KCND3: variants seen among roughly 807,000 people sequenced by gnomAD.
The protein encoded by KCND3 is A-type voltage-gated potassium channel KCND3.
KCND3 carries 9 observed loss-of-function variants against 51.1 expected under a neutral mutation model. The observed-to-expected ratio is 0.18, with a 90% confidence interval of 0.11 to 0.31. The LOEUF (loss-of-function observed/expected upper bound fraction) is 0.31. Ranked by LOEUF, KCND3 falls within the 10% of genes least tolerant of loss-of-function variation. The probability of loss-of-function intolerance (pLI) is 1.00; values close to 1 mark genes in which losing one functional copy is unlikely to be tolerated. For synonymous variants in KCND3, 349 were observed against 368.0 expected, an observed-to-expected ratio of 0.95 and a Z score of 0.59; for missense variants, 526 against 903.8, an observed-to-expected ratio of 0.58 and a Z score of 5.36.
intron 2 of KCND3, among the ~76,000 whole-genome samples, chr1:111,930,912 G>A (rs2101860559): frequency 6.6e-6 from 1 of 152,346 alleles, no homozygotes; most frequent in Middle Eastern, 3.4e-3. Flanking sequence ...AGGTTGCGAT[G>A]CTACAAGGTC....
chr1:111,780,212 G>A lies in KCND3; in HGVS notation c.1461+13C>T, dbSNP rs981439944. On this transcript the variant is annotated intron_variant, in intron 5 of 7. Transcript: ENST00000302127. This position sits in a 1 kb window ranked among gnomAD's most constrained non-coding sequence, Gnocchi z 4.2. Reference sequence around the variant, plus strand: ...CAGCGATGAAAAGGAGGTGGCAAAGGGCTGGGACTCACAGTGGTTTTTTCC... The same window carrying A: ...CAGCGATGAAAAGGAGGTGGCAAAGAGCTGGGACTCACAGTGGTTTTTTCC... The A allele has an allele frequency of 3.8e-5, 60 of 1,574,438 alleles. No homozygotes were observed. In the East Asian group the frequency reaches 1.4e-3, roughly 36 times the overall value.
intron 2 of KCND3, among the ~76,000 whole-genome samples, chr1:111,928,220 C>T (rs1671803926): frequency 6.6e-6 from 1 of 152,130 alleles, no homozygotes. Context: ...GTGTCTGTCG[C>T]ATAGGAGCTC....
At chr1:111,795,215 C>G (rs1034109891) in intron 2 of KCND3, among the ~76,000 whole-genome samples, 11 of 152,158 alleles carry the variant, frequency 7.2e-5, no homozygotes, top group African/African-American at 2.7e-4. Flanking sequence ...CACTTCTGCT[C>G]GTGTCTCTGC....
At chr1:111,815,962 G>C (rs565651221) in intron 2 of KCND3, among the ~76,000 whole-genome samples, 1 of 152,200 alleles carries the variant, frequency 6.6e-6, no homozygotes, top group African/African-American at 2.4e-5. Flanking sequence ...CTAGGACCCC[G>C]GGGAGGAAAT....
rs974769346 is a variant in KCND3, at chr1:111,780,269, C to T, written c.1417G>A (p.Glu473Lys). The change falls in exon 5 of 8, where the codon GAG (glutamate) becomes AAG (lysine). Residue 473 changes from glutamate to lysine, a missense_variant. Around this residue, in one of 5 missense-constraint regions of KCND3, gnomAD observed 266 missense variants for 305.5 expected, o/e 0.87. Transcript: ENST00000302127. This position sits in a 1 kb window ranked among gnomAD's most constrained non-coding sequence, Gnocchi z 4.2. ...TGCAGCAGGTGATGATGCTGGCTCT[C>T]GATGAGTGAGGTGGTCTTGCCCATG... is the stretch of plus-strand genomic sequence containing the variant. The part of the protein sequence containing the change: ...EHMGKTTSLI[E>K]SQHHHLLHCL... The T allele has an allele frequency of 4.4e-6, 7 of 1,587,910 alleles. No individual in the cohort carries two copies. Among genetic ancestry groups the T allele is most frequent in the South Asian group, 3.5e-5 (3 of 86,738 alleles).
intron 2 of KCND3, among the ~76,000 whole-genome samples, chr1:111,862,857 C>T (rs553011684): frequency 1.3e-5 from 2 of 152,320 alleles, no homozygotes; most frequent in South Asian, 2.1e-4. Context: ...TTAACCTTCA[C>T]TAAATCCTGA....
intron 1 of KCND3, among the ~76,000 whole-genome samples, chr1:111,983,076 G>A (rs1358212864): frequency 6.6e-6 from 1 of 152,222 alleles, no homozygotes; most frequent in Non-Finnish European, 1.5e-5. Flanking sequence ...AGCATTTGGA[G>A]GGAAGGCCTC....
intron 2 of KCND3, among the ~76,000 whole-genome samples, chr1:111,980,349 C>A (rs1674881795): frequency 6.6e-6 from 1 of 152,072 alleles, no homozygotes; most frequent in Non-Finnish European, 1.5e-5. Flanking sequence ...CCTTGCTCTT[C>A]CCCTTGCTAC....
At chr1:111,904,404 T>C (rs2101799176) in intron 2 of KCND3, among the ~76,000 whole-genome samples, 1 of 152,330 alleles carries the variant, frequency 6.6e-6, no homozygotes, top group African/African-American at 2.4e-5. Context: ...TAGGGGCAGC[T>C]TTCCTAGCTG....
chr1:111,872,911 G>C (rs1043260495), intron 2 of KCND3, among the ~76,000 whole-genome samples: 1 of 152,176 alleles, frequency 6.6e-6, no homozygotes, highest in African/African-American at 2.4e-5. Context: ...CACTCACTCT[G>C]GGCCAGGTAC....
chr1:111,893,256 G>A (rs1234276568), intron 2 of KCND3, among the ~76,000 whole-genome samples: 2 of 152,206 alleles, frequency 1.3e-5, no homozygotes, highest in East Asian at 3.8e-4. Context: ...AACTCTGGCT[G>A]GGCAGACAGC....
intron 2 of KCND3, among the ~76,000 whole-genome samples, chr1:111,841,285 A>C (rs531896208): frequency 1.3e-5 from 2 of 152,138 alleles, no homozygotes; most frequent in African/African-American, 4.8e-5. Context: ...TGCACCTTTC[A>C]GGCACGTAGT....
intron 2 of KCND3, among the ~76,000 whole-genome samples, chr1:111,805,920 C>T (rs150085303): frequency 5.4e-4 from 82 of 152,242 alleles, no homozygotes; most frequent in East Asian, 2.9e-3. Flanking sequence ...GGTGGCAGGA[C>T]GGGGACAGGA....
At chr1:111,856,506 C>T (rs1004056900) in intron 2 of KCND3, among the ~76,000 whole-genome samples, 12 of 152,166 alleles carry the variant, frequency 7.9e-5, no homozygotes, top group Admixed American at 5.9e-4. Context: ...CTGGTAGCCT[C>T]GGCCTCCCCT....
At chr1:111,886,923 G>T (rs901984335) in intron 2 of KCND3, among the ~76,000 whole-genome samples, 9 of 152,158 alleles carry the variant, frequency 5.9e-5, no homozygotes, top group Admixed American at 1.3e-4. Context: ...AACACTGCCT[G>T]GTCACCATGC....
At chr1:111,821,447 C>A (rs1312318480) in intron 2 of KCND3, among the ~76,000 whole-genome samples, 2 of 152,110 alleles carry the variant, frequency 1.3e-5, no homozygotes, top group Non-Finnish European at 1.5e-5. Flanking sequence ...TCTTTGGCAC[C>A]ATTAACTGAA....
Position 111,978,190 on chromosome 1 carries a change from C to T in KCND3, c.1106+3431G>A, listed in dbSNP as rs188646828. ...GGAGGACACCTGAGTAACTCATCAACGAGGTGCTGGGAAAGCAGGCAGAGA... is the reference window on the plus strand; with the variant it reads ...GGAGGACACCTGAGTAACTCATCAATGAGGTGCTGGGAAAGCAGGCAGAGA... On this transcript the variant is annotated intron_variant, in intron 2 of 7. Coordinates refer to ENST00000302127, the MANE Select transcript of KCND3 (RefSeq NM_001378969.1). Among the ~76,000 whole-genome samples the T allele has an allele frequency of 6.9e-4, 105 of 152,288 alleles. 1 individual carries two copies. Among genetic ancestry groups the T allele is most frequent in the Middle Eastern group, 6.8e-3 (2 of 294 alleles).
At chr1:111,966,931 A>G (rs1263574326) in intron 2 of KCND3, among the ~76,000 whole-genome samples, 1 of 152,138 alleles carries the variant, frequency 6.6e-6, no homozygotes, top group African/African-American at 2.4e-5. Flanking sequence ...ACCTGAGATC[A>G]GGAGTTTGAG....
intron 2 of KCND3, among the ~76,000 whole-genome samples, chr1:111,882,181 C>G (rs1026650785): frequency 6.6e-6 from 1 of 152,256 alleles, no homozygotes; most frequent in East Asian, 1.9e-4. Flanking sequence ...GGTGTTTTCC[C>G]ATGCCCCAAC....
Sources: gnomAD v4.1 joint callset for allele counts (sites outside exome capture counted in the v4.1 genomes callset) on GRCh38, gnomAD v4.1.1 for gene constraint, gnomAD v4.1.1 regional missense constraint, Gnocchi (gnomAD v3.1) non-coding constraint, MANE v1.5 for transcripts, NCBI Gene and HGNC (gene_info 2026-07-23, HGNC 2026-07-21) for gene names.